The following PLXNC1 variants were observed in gnomAD, a reference collection of about 807,000 sequenced individuals.
PLXNC1 encodes plexin-C1.
In PLXNC1, 75 loss-of-function variants were observed where a neutral mutation model predicts 178.2. The ratio of observed to expected loss-of-function variants is 0.42; its 90% CI spans 0.35 to 0.51. The LOEUF (loss-of-function observed/expected upper bound fraction) is 0.51, where lower values mean the gene tolerates loss of function less well. PLXNC1 is among the 20% of genes least tolerant of loss of function. PLXNC1 has a pLI of 0.02. For synonymous variants in PLXNC1, 790 were observed against 779.9 expected (o/e 1.01, Z -0.22); for missense variants, 1,503 against 1,984.4 (o/e 0.76, Z 4.61).
intron 18 of PLXNC1, 103 bp from the exon 19 acceptor site, chr12:94,259,507 T>C (rs1341120186): frequency 1.7e-6 from 2 of 1,152,902 alleles, no homozygotes; most frequent in African/African-American, 3.2e-5. Flanking sequence ...GAATTCAATA[T>C]TGAATAATTC....
Position 94,149,727 on chromosome 12 carries a change from C to T in PLXNC1, c.756C>T (p.Asn252=). Residue 252 remains asparagine (N), a synonymous_variant, in exon 1 of 31, where the codon AAC becomes AAT. Transcript: ENST00000258526. ...GSIYFPYYPY[N]YTSGAATGWP... ...TCTACTTCCCCTACTACCCCTACAA[C>T]TACACGAGCGGCGCTGCCACCGGCT... 1 of 1,612,384 alleles carries T rather than the reference C, an allele frequency of 6.2e-7. No individual in the cohort carries two copies.
At chr12:94,275,603 C>T (rs1377490055) in intron 21 of PLXNC1, among the ~76,000 whole-genome samples, 4 of 86,126 alleles carry the variant, frequency 4.6e-5, no homozygotes, top group Non-Finnish European at 9.4e-5. Context: ...CCTGTAATCC[C>T]AGCACTTTGG....
intron 24 of PLXNC1, 131 bp from the exon 25 acceptor site, chr12:94,297,058 G>T: frequency 1.3e-6 from 1 of 793,212 alleles, no homozygotes. Context: ...TGTAGCTATG[G>T]AGAGCTCAAG....
intron 5 of PLXNC1, among the ~76,000 whole-genome samples, chr12:94,213,132 A>G (rs554586639): frequency 6.6e-5 from 10 of 152,344 alleles, no homozygotes; most frequent in African/African-American, 1.4e-4. Context: ...GTGTCTTTAT[A>G]GTAGCATGAT....
chr12:94,255,773 T>A (rs1293193538), intron 17 of PLXNC1: 1 of 161,830 alleles, frequency 6.2e-6, no homozygotes, highest in Non-Finnish European at 1.4e-5. Flanking sequence ...GGAATTGGAG[T>A]TGAAAACAGG....
chr12:94,263,216 C>T (rs1965051022), intron 20 of PLXNC1, among the ~76,000 whole-genome samples: 1 of 147,158 alleles, frequency 6.8e-6, no homozygotes, highest in African/African-American at 2.5e-5. Flanking sequence ...CCGCCCCCGG[C>T]CCCGGGAAGG....
At chr12:94,208,315 T>C (rs1963366607) in intron 4 of PLXNC1, among the ~76,000 whole-genome samples, 1 of 152,202 alleles carries the variant, frequency 6.6e-6, no homozygotes, top group Non-Finnish European at 1.5e-5. Context: ...GCTAAAGGTA[T>C]TGTGCTTGGG....
intron 5 of PLXNC1, among the ~76,000 whole-genome samples, chr12:94,211,040 G>C (rs1275629929): frequency 6.6e-6 from 1 of 152,174 alleles, no homozygotes; most frequent in Non-Finnish European, 1.5e-5. Context: ...TAATACTTCA[G>C]CTAAATGTAG....
chr12:94,223,900 C>A (rs1963865294), intron 6 of PLXNC1, among the ~76,000 whole-genome samples: 1 of 152,086 alleles, frequency 6.6e-6, no homozygotes, highest in Non-Finnish European at 1.5e-5. Flanking sequence ...TATGCCTTGG[C>A]CAATTAAAAG....
chr12:94,297,514 A>C, intron 26 of PLXNC1, 91 bp downstream of exon 26: 1 of 885,576 alleles, frequency 1.1e-6, no homozygotes, highest in Non-Finnish European at 1.8e-6. Flanking sequence ...AAAATGTTAC[A>C]AATCCCTTGT....
In PLXNC1 at chr12:94,260,568, G is replaced by T. The variant is rs1964966730; in HGVS notation, c.3252-74G>T. On this transcript the variant is annotated intron_variant, in intron 19 of 30. Transcript: ENST00000258526. The surrounding 1 kb of genome is among the most constrained non-coding windows in gnomAD (Gnocchi z 4.4). ...GGCCAGCTCCCTGCCCTGCCAGTGA[G>T]CTTCCATGGAAACTCCCATGGGTGT... is the stretch of plus-strand genomic sequence containing the variant. 1.9e-6 allele frequency: 2 copies of T among 1,076,212 alleles called. No individual in the cohort carries two copies. Among genetic ancestry groups the T allele is most frequent in the East Asian group, 2.5e-5 (1 of 40,428 alleles). 66.7% of individuals were successfully genotyped at this position (1,076,212 alleles called of 1,614,324 possible).
chr12:94,184,292 A>AT (rs758076836), intron 3 of PLXNC1, among the ~76,000 whole-genome samples: 4,316 of 142,548 alleles, frequency 0.03, 160 homozygotes, highest in African/African-American at 0.096. Context: ...TAATTTTTGT[A>AT]TTTTTTTTTT....
chr12:94,207,117 G>C (rs544111160), intron 4 of PLXNC1, among the ~76,000 whole-genome samples: 2 of 152,112 alleles, frequency 1.3e-5, no homozygotes, highest in African/African-American at 4.8e-5. Flanking sequence ...TACTGTTGTT[G>C]GCTGGCCATC....
At chr12:94,284,895 G>A (rs1966734758) in intron 23 of PLXNC1, among the ~76,000 whole-genome samples, 1 of 152,236 alleles carries the variant, frequency 6.6e-6, no homozygotes, top group African/African-American at 2.4e-5. Context: ...CAGAAAATGA[G>A]TGGGGCTGTG....
chr12:94,205,879 G>T (rs1281505299), intron 4 of PLXNC1, among the ~76,000 whole-genome samples: 4 of 152,220 alleles, frequency 2.6e-5, no homozygotes, highest in Admixed American at 6.5e-5. Context: ...TTAAGTGGTG[G>T]TTAGGATCTA....
intron 27 of PLXNC1, 91 bp from the exon 28 acceptor site, chr12:94,300,819 G>A: frequency 1.6e-6 from 2 of 1,245,156 alleles, no homozygotes; most frequent in Non-Finnish European, 2.2e-6. Flanking sequence ...CAATAACAAG[G>A]ACAAAAACAC....
intron 21 of PLXNC1, among the ~76,000 whole-genome samples, chr12:94,278,997 C>CA (rs10691027): frequency 0.2 from 30,016 of 149,214 alleles, 3,040 homozygotes; most frequent in Admixed American, 0.25. Context: ...GACTCCATCT[C>CA]AAAAAAAAAA....
At chr12:94,251,875 C>G (rs1012305266) in intron 15 of PLXNC1, among the ~76,000 whole-genome samples, 1 of 152,110 alleles carries the variant, frequency 6.6e-6, no homozygotes, top group Non-Finnish European at 1.5e-5. Context: ...GCCTGTAATC[C>G]CAGCTACTCA....
intron 22 of PLXNC1, 109 bp from the exon 23 acceptor site, chr12:94,282,189 C>A: frequency 1.3e-6 from 1 of 744,196 alleles, no homozygotes; most frequent in Non-Finnish European, 2.3e-6. Flanking sequence ...TCTACACCTT[C>A]AAACAAAGAT....
Sources: allele counts gnomAD v4.1 joint callset (sites outside exome capture counted in the v4.1 genomes callset), GRCh38; gene constraint gnomAD v4.1.1; non-coding constraint Gnocchi (gnomAD v3.1); transcripts MANE v1.5; gene names NCBI Gene and HGNC (gene_info 2026-07-23, HGNC 2026-07-21).